Variants in ADGRV1 observed in about 807,000 individuals in gnomAD.
ADGRV1 encodes adhesion G protein-coupled receptor V1, also known as G-protein coupled receptor 98.
Under a neutral mutation model 596.2 loss-of-function variants are expected in ADGRV1, and 359 were observed. That is an observed-to-expected ratio of 0.60 (90% confidence interval 0.55 to 0.66). ADGRV1 has a LOEUF of 0.66. Among genes scored for constraint, ADGRV1 ranks in the 30% least tolerant of loss-of-function variants. ADGRV1 has a pLI of 0.00. For missense variants in ADGRV1, 7,274 were observed against 7,575.6 expected, an observed-to-expected ratio of 0.96 and a Z score of 1.48; for synonymous variants, 2,681 against 2,679.2, an observed-to-expected ratio of 1.00 and a Z score of -0.02.
chr5:90,698,480 G>A (rs567672439), intron 34 of ADGRV1, among the ~76,000 whole-genome samples: 1 of 152,306 alleles, frequency 6.6e-6, no homozygotes, highest in South Asian at 2.1e-4. Flanking sequence ...GGCACCTAGT[G>A]AGGAGAGACT....
chr5:91,088,633 T>C (rs780357993), intron 86 of ADGRV1, among the ~76,000 whole-genome samples: 5 of 152,144 alleles, frequency 3.3e-5, no homozygotes, highest in Non-Finnish European at 5.9e-5. Flanking sequence ...CTGATGCTTC[T>C]ACTCTTAAAA....
chr5:91,041,057 A>G (rs1214431268), intron 85 of ADGRV1, among the ~76,000 whole-genome samples: 2 of 152,214 alleles, frequency 1.3e-5, no homozygotes, highest in East Asian at 3.8e-4. Flanking sequence ...AATTAGTTCA[A>G]CCATTGTGGA....
chr5:90,821,711 T>C (rs1763531473), intron 75 of ADGRV1, among the ~76,000 whole-genome samples: 1 of 151,672 alleles, frequency 6.6e-6, no homozygotes, highest in Admixed American at 6.5e-5. Context: ...GGGGGGTGCC[T>C]CCCAGTTAGG....
At chr5:91,087,719 T>C (rs1196215559) in intron 86 of ADGRV1, among the ~76,000 whole-genome samples, 4 of 152,234 alleles carry the variant, frequency 2.6e-5, no homozygotes, top group Non-Finnish European at 4.4e-5. Flanking sequence ...TGTTCCACTT[T>C]TCAACCAATA....
intron 83 of ADGRV1, among the ~76,000 whole-genome samples, chr5:90,941,002 T>C (rs995083933): frequency 2.0e-5 from 3 of 152,176 alleles, no homozygotes; most frequent in East Asian, 1.9e-4. Flanking sequence ...GATTTGCTTT[T>C]TTCCCCCCTC....
chr5:90,562,921 T>C (rs1388360357), intron 1 of ADGRV1, among the ~76,000 whole-genome samples: 4 of 152,220 alleles, frequency 2.6e-5, no homozygotes, highest in Non-Finnish European at 5.9e-5. Flanking sequence ...CTATTTGTTA[T>C]TCAAAACTTC....
intron 52 of ADGRV1, among the ~76,000 whole-genome samples, chr5:90,749,170 A>T (rs1301869823): frequency 6.6e-6 from 1 of 152,172 alleles, no homozygotes; most frequent in Non-Finnish European, 1.5e-5. Context: ...GAGACATACA[A>T]TTACTGTTAT....
intron 85 of ADGRV1, among the ~76,000 whole-genome samples, chr5:91,063,911 C>G (rs1337646076): frequency 1.3e-5 from 2 of 151,954 alleles, no homozygotes; most frequent in Non-Finnish European, 2.9e-5. Context: ...AACACAAATT[C>G]CAGTAGAAGA....
At chr5:90,827,741 G>C (rs919695179) in intron 76 of ADGRV1, among the ~76,000 whole-genome samples, 1 of 152,094 alleles carries the variant, frequency 6.6e-6, no homozygotes, top group Admixed American at 6.6e-5. Flanking sequence ...ATCAGCAACA[G>C]TAAAGAATGA....
intron 52 of ADGRV1, among the ~76,000 whole-genome samples, chr5:90,746,123 T>C (rs1754600112): frequency 6.6e-6 from 1 of 151,908 alleles, no homozygotes; most frequent in South Asian, 2.1e-4. Flanking sequence ...AGAGAAAGGA[T>C]GAAATAGATG....
chr5:90,671,442 T>G (rs1397259352), intron 21 of ADGRV1, among the ~76,000 whole-genome samples: 4 of 152,164 alleles, frequency 2.6e-5, no homozygotes, highest in Non-Finnish European at 5.9e-5. Flanking sequence ...AGAGTTAGAA[T>G]GTTGCCCCTG....
intron 1 of ADGRV1, among the ~76,000 whole-genome samples, chr5:90,580,946 C>A (rs10061972): frequency 0.088 from 13,367 of 151,928 alleles, 1,792 homozygotes; most frequent in African/African-American, 0.3. Flanking sequence ...AGGCTTTGTT[C>A]GTTTTATTTT....
chr5:90,850,727 A>G (rs1455410408), intron 79 of ADGRV1: 3 of 152,188 alleles, frequency 2.0e-5, no homozygotes, highest in Non-Finnish European at 4.4e-5. Flanking sequence ...TTAGATGTGA[A>G]CCATCTACCT....
At chr5:91,069,141 C>G (rs1490873936) in intron 85 of ADGRV1, among the ~76,000 whole-genome samples, 1 of 152,124 alleles carries the variant, frequency 6.6e-6, no homozygotes, top group Non-Finnish European at 1.5e-5. Context: ...AAAATTAACT[C>G]AGGATGGATT....
At chr5:90,676,846 C>T (rs1339761108) in intron 25 of ADGRV1, 1 of 152,082 alleles carries the variant, frequency 6.6e-6, no homozygotes, top group African/African-American at 2.4e-5. Context: ...TAAAAGAAGT[C>T]AACAATACCT....
rs1296686735 is a variant in ADGRV1, at chr5:90,653,229, G to A, written c.3655G>A (p.Gly1219Ser). ...NISGGSPGPG[G>S]QLAETNLQVT... ...TACAGGTGGATCCCCAGGTCCTGGG[G>A]GCCAGCTAGCAGAAACCAACCTCCA... Residue 1219 changes from glycine (G) to serine (S), a missense_variant, in exon 20 of 90, where the codon GGC becomes AGC. Physicochemically the swap from Gly to Ser is moderately conservative, Grantham distance 56. This residue lies in a region of ADGRV1 where 1,715 missense variants were observed against 1,708.8 expected (regional missense o/e 1.00). Transcript: ENST00000405460. 7 of 1,610,610 alleles carry A rather than the reference G, an allele frequency of 4.3e-6. No individual in the cohort carries two copies. The highest frequency in any genetic ancestry group is 5.9e-6 in the Non-Finnish European group (7 of 1,177,624).
intron 83 of ADGRV1, among the ~76,000 whole-genome samples, chr5:90,908,003 GC>G (rs1264087363): frequency 6.6e-6 from 1 of 151,868 alleles, no homozygotes; most frequent in Non-Finnish European, 1.5e-5. Context: ...GAGGTGCACT[GC>G]CATGCCAGGT....
At chr5:90,747,637 T>G (rs954700576) in intron 52 of ADGRV1, among the ~76,000 whole-genome samples, 16 of 152,146 alleles carry the variant, frequency 1.1e-4, no homozygotes, top group African/African-American at 3.9e-4. Context: ...GCCCAGGATT[T>G]TAACTGGGGT....
chr5:90,844,289 T>A (rs975155546), intron 78 of ADGRV1, among the ~76,000 whole-genome samples: 2 of 152,218 alleles, frequency 1.3e-5, no homozygotes, highest in Non-Finnish European at 2.9e-5. Context: ...TTTTTAAATT[T>A]TATTTTCCCC....
Sources: gnomAD v4.1 joint callset for allele counts (sites outside exome capture counted in the v4.1 genomes callset) on GRCh38, gnomAD v4.1.1 for gene constraint, gnomAD v4.1.1 regional missense constraint, MANE v1.5 for transcripts, NCBI Gene and HGNC (gene_info 2026-07-23, HGNC 2026-07-21) for gene names.